Variants in ITGA9 observed in about 807,000 individuals in gnomAD.
The protein encoded by ITGA9 is integrin subunit alpha 9.
Under a neutral mutation model 127.8 loss-of-function variants are expected in ITGA9, and 56 were observed. That is an observed-to-expected ratio of 0.44 (90% CI 0.35 to 0.55). The LOEUF (loss-of-function observed/expected upper bound fraction) is 0.55. Ranked by LOEUF, ITGA9 falls within the 20% of genes least tolerant of loss-of-function variation. The probability of loss-of-function intolerance (pLI) is 0.00; values close to 1 mark genes in which losing one functional copy is unlikely to be tolerated. For synonymous variants in ITGA9, 508 were observed against 514.5 expected (o/e 0.99, Z 0.17); for missense variants, 1,196 against 1,347.1 (o/e 0.89, Z 1.76).
At chr3:37,734,515 A>T (rs1696334893) in intron 19 of ITGA9, among the ~76,000 whole-genome samples, 1 of 152,104 alleles carries the variant, frequency 6.6e-6, no homozygotes, top group Admixed American at 6.5e-5. Flanking sequence ...TTTGAGAGGG[A>T]GTCTCTCTCT....
At chr3:37,677,669 G>T (rs1700696064) in intron 17 of ITGA9, among the ~76,000 whole-genome samples, 1 of 152,246 alleles carries the variant, frequency 6.6e-6, no homozygotes, top group Non-Finnish European at 1.5e-5. Context: ...TGGACCAGGG[G>T]TTAGAGCTCT....
chr3:37,514,078 A>G (rs561966945), intron 9 of ITGA9, among the ~76,000 whole-genome samples, 178 bp downstream of exon 9: 1 of 152,314 alleles, frequency 6.6e-6, no homozygotes, highest in South Asian at 2.1e-4. Flanking sequence ...GTTATATACA[A>G]TGTTACAACT....
rs1220224468 is a variant in ITGA9 at position 37,533,453 on chromosome 3, G to C, written c.1513G>C (p.Val505Leu). ...CTGCTTCAGCTTCCATGGCAAACACGTTCCAGGAGAGATTGGTAATGAGCC... is the reference window on the plus strand; with the variant it reads ...CTGCTTCAGCTTCCATGGCAAACACCTTCCAGGAGAGATTGGTAATGAGCC... Reference protein sequence around the residue: ...TTCFSFHGKHVPGEIGLNYVL... With the variant: ...TTCFSFHGKHLPGEIGLNYVL... Residue 505 changes from valine (V) to leucine (L), a missense_variant, in exon 14 of 28, where the codon GTT (valine) becomes CTT (leucine). Physicochemically the swap from Val to Leu is conservative, Grantham distance 32 (BLOSUM62 1). Transcript: ENST00000264741. The C allele has an allele frequency of 3.7e-6, 6 of 1,614,124 alleles. No individual in the cohort carries two copies. The South Asian group carries it at 6.6e-5, about 18-fold the overall frequency.
At chr3:37,530,942 A>G (rs1394236109) in intron 13 of ITGA9, among the ~76,000 whole-genome samples, 1 of 151,592 alleles carries the variant, frequency 6.6e-6, no homozygotes, top group Non-Finnish European at 1.5e-5. Flanking sequence ...TAGTAGAGAC[A>G]GGGTTTCACC....
intron 1 of ITGA9, among the ~76,000 whole-genome samples, chr3:37,462,610 G>T (rs1157778349): frequency 6.6e-6 from 1 of 152,142 alleles, no homozygotes; most frequent in East Asian, 1.9e-4. Flanking sequence ...TGTTCTCAGG[G>T]TTAGCCATGC....
chr3:37,671,125 A>G (rs1700634104), intron 17 of ITGA9, among the ~76,000 whole-genome samples: 2 of 152,232 alleles, frequency 1.3e-5, no homozygotes, highest in Non-Finnish European at 2.9e-5. Flanking sequence ...CAGCCTGCAG[A>G]TCTTGGGAAT....
At chr3:37,622,973 C>T (rs1700141791) in intron 15 of ITGA9, among the ~76,000 whole-genome samples, 1 of 151,964 alleles carries the variant, frequency 6.6e-6, no homozygotes, top group African/African-American at 2.4e-5. Context: ...TGCACTGTGT[C>T]CTGTATGTCT....
chr3:37,495,042 C>T (rs1425592544), intron 5 of ITGA9, among the ~76,000 whole-genome samples: 3 of 152,084 alleles, frequency 2.0e-5, no homozygotes, highest in East Asian at 1.9e-4. Flanking sequence ...GGCATGATCT[C>T]GGCTCACTGC....
At chr3:37,464,132 T>TGTGTGC (rs796464958) in intron 1 of ITGA9, among the ~76,000 whole-genome samples, 149 of 151,410 alleles carry the variant, frequency 9.8e-4, no homozygotes, top group African/African-American at 3.2e-3. Flanking sequence ...TGTGTGTGTG[T>TGTGTGC]GTGTGTGTGT....
intron 3 of ITGA9, among the ~76,000 whole-genome samples, chr3:37,480,136 C>T (rs971935109): frequency 3.9e-5 from 6 of 151,944 alleles, no homozygotes; most frequent in East Asian, 1.9e-4. Flanking sequence ...GTAAGCAGCT[C>T]GGCTCTTCAT....
intron 14 of ITGA9, among the ~76,000 whole-genome samples, chr3:37,537,218 G>T (rs1187473236): frequency 6.6e-6 from 1 of 152,204 alleles, no homozygotes; most frequent in African/African-American, 2.4e-5. Flanking sequence ...GGCTCTGGGA[G>T]AATGGGGGGA....
intron 23 of ITGA9, among the ~76,000 whole-genome samples, chr3:37,763,766 T>G (rs1332918829): frequency 6.6e-6 from 1 of 152,170 alleles, no homozygotes; most frequent in African/African-American, 2.4e-5. Context: ...AAAACAAAAA[T>G]GAACAATGCA....
intron 15 of ITGA9, among the ~76,000 whole-genome samples, chr3:37,626,428 G>A (rs1214769420): frequency 6.6e-6 from 1 of 152,130 alleles, no homozygotes; most frequent in Non-Finnish European, 1.5e-5. Flanking sequence ...GGGAAGATGA[G>A]GCAGAAGAAT....
At chr3:37,783,716 T>C (rs1207255673) in intron 25 of ITGA9, among the ~76,000 whole-genome samples, 2 of 152,176 alleles carry the variant, frequency 1.3e-5, no homozygotes, top group African/African-American at 4.8e-5. Context: ...AACTGTTAAA[T>C]TGGTAAAAGA....
At chr3:37,627,507 T>C (rs111810714) in intron 15 of ITGA9, among the ~76,000 whole-genome samples, 23 of 152,316 alleles carry the variant, frequency 1.5e-4, no homozygotes, top group Non-Finnish European at 1.3e-4. Context: ...CCCGTACACG[T>C]AGGACTACCA....
At chr3:37,810,836 T>TG (rs2125565478) in intron 27 of ITGA9, among the ~76,000 whole-genome samples, 1 of 152,368 alleles carries the variant, frequency 6.6e-6, no homozygotes, top group South Asian at 2.1e-4. Context: ...ACGCATGCAC[T>TG]GTGGTGCTAC....
chr3:37,497,967 T>C (rs1024979417), intron 5 of ITGA9, among the ~76,000 whole-genome samples: 1 of 151,878 alleles, frequency 6.6e-6, no homozygotes, highest in Non-Finnish European at 1.5e-5. Flanking sequence ...AACAGGACAG[T>C]GTAGAGGGAG....
intron 13 of ITGA9, among the ~76,000 whole-genome samples, chr3:37,526,410 G>A (rs1249405929): frequency 1.3e-5 from 2 of 152,166 alleles, no homozygotes; most frequent in East Asian, 1.9e-4. Flanking sequence ...CTTCCATAAT[G>A]TGCCATAAAA....
chr3:37,488,605 T>C (rs1489970992), intron 4 of ITGA9, among the ~76,000 whole-genome samples: 1 of 152,050 alleles, frequency 6.6e-6, no homozygotes, highest in Non-Finnish European at 1.5e-5. Flanking sequence ...GAGACCAGCC[T>C]GACCAACATG....
Sources: gnomAD v4.1 joint callset for allele counts (sites outside exome capture counted in the v4.1 genomes callset) on GRCh38, gnomAD v4.1.1 for gene constraint, MANE v1.5 for transcripts, NCBI Gene and HGNC (gene_info 2026-07-23, HGNC 2026-07-21) for gene names.